Variants in CACNA1E observed in about 807,000 individuals in gnomAD.
CACNA1E encodes voltage-dependent R-type calcium channel subunit alpha-1E.
A neutral mutation model predicts 259.2 loss-of-function variants in CACNA1E; 40 were observed. That is an observed-to-expected ratio of 0.15 (90% CI 0.12 to 0.20). The LOEUF (loss-of-function observed/expected upper bound fraction) is 0.20, where lower values mean the gene tolerates loss of function less well. Among genes scored for constraint, CACNA1E ranks in the 10% least tolerant of loss-of-function variants. The pLI is 1.00. For missense variants in CACNA1E, 1,874 were observed against 3,040.1 expected (o/e 0.62, Z 9.02); for synonymous variants, 1,104 against 1,138.5 (o/e 0.97, Z 0.61).
chr1:181,716,660 A>G (rs1653928642), intron 10 of CACNA1E, among the ~76,000 whole-genome samples: 1 of 152,246 alleles, frequency 6.6e-6, no homozygotes, highest in South Asian at 2.1e-4. Context: ...TCCTCCCCAG[A>G]AAAAGGGAAA....
intron 7 of CACNA1E, among the ~76,000 whole-genome samples, chr1:181,665,450 G>A (rs919053284): frequency 6.6e-6 from 1 of 152,080 alleles, no homozygotes; most frequent in Admixed American, 6.6e-5. Flanking sequence ...TTTAGAGGAG[G>A]AGATAACTTC....
intron 21 of CACNA1E, among the ~76,000 whole-genome samples, chr1:181,735,062 C>T (rs1655909762): frequency 1.3e-5 from 2 of 152,178 alleles, no homozygotes; most frequent in African/African-American, 4.8e-5. Context: ...CTTTTCCCTC[C>T]CTGTTTTTCT....
Position 181,796,685 on chromosome 1 carries a change from C to T in CACNA1E, c.6226C>T (p.His2076Tyr). The change falls in exon 47 of 48, where the codon CAC becomes TAC. Residue 2076 changes from histidine to tyrosine, a missense_variant. By Grantham distance (83) the His-to-Tyr change is moderately conservative. Coordinates refer to ENST00000367573, the MANE Select transcript of CACNA1E (RefSeq NM_001205293.3). ...TCTCACAGGCCACAAGTCTGACACT[C>T]ACCGCTCAGGGGGCAGGGAGCGGGG... ...NSDSGHKSDT[H>Y]RSGGRERGRS... 1.9e-6 allele frequency: 3 copies of T among 1,601,654 alleles called. No homozygotes were observed. Among genetic ancestry groups the T allele is most frequent in the Non-Finnish European group, 2.6e-6 (3 of 1,171,624 alleles).
intron 6 of CACNA1E, among the ~76,000 whole-genome samples, chr1:181,590,816 G>A (rs905327788): frequency 1.5e-5 from 2 of 134,886 alleles, no homozygotes; most frequent in African/African-American, 5.4e-5. Context: ...CCTTCACTCC[G>A]AACCCAGGAC....
intron 27 of CACNA1E, among the ~76,000 whole-genome samples, chr1:181,754,568 G>A (rs1657918775): frequency 6.6e-6 from 1 of 152,166 alleles, no homozygotes; most frequent in African/African-American, 2.4e-5. Context: ...TAAGTCCCTA[G>A]TTCTATCTAC....
intron 6 of CACNA1E, among the ~76,000 whole-genome samples, chr1:181,608,151 G>T (rs1218220722): frequency 6.6e-6 from 1 of 152,166 alleles, no homozygotes; most frequent in East Asian, 1.9e-4. Context: ...TAGGGAGCTG[G>T]GTGATGCAGT....
intron 2 of CACNA1E, among the ~76,000 whole-genome samples, chr1:181,429,360 C>T (rs1038441969): frequency 6.6e-6 from 1 of 152,168 alleles, no homozygotes; most frequent in African/African-American, 2.4e-5. Context: ...AGGACTTGCT[C>T]CCCAAGGGTG....
upstream of CACNA1E, among the ~76,000 whole-genome samples, chr1:181,480,960 A>G (rs956792174): frequency 6.6e-6 from 1 of 152,236 alleles, no homozygotes; most frequent in African/African-American, 2.4e-5. Context: ...ACTGTCTGAA[A>G]GGAGCGACAT....
chr1:181,375,629 TA>T (rs1347228307), intron 1 of CACNA1E, among the ~76,000 whole-genome samples: 1 of 152,240 alleles, frequency 6.6e-6, no homozygotes, highest in Non-Finnish European at 1.5e-5. Flanking sequence ...CAGGTAGTAC[TA>T]TTATAGTCCC....
chr1:181,388,892 CA>C (rs1482232558), intron 1 of CACNA1E, among the ~76,000 whole-genome samples: 21 of 139,672 alleles, frequency 1.5e-4, no homozygotes, highest in East Asian at 4.1e-4. Context: ...ACTCCATCTC[CA>C]AAAAAAAAAA....
intron 7 of CACNA1E, among the ~76,000 whole-genome samples, chr1:181,655,827 A>G (rs932329507): frequency 6.6e-6 from 1 of 152,194 alleles, no homozygotes; most frequent in Admixed American, 6.5e-5. Context: ...AATGTGTGTT[A>G]TTATTTTCAA....
chr1:181,793,691 C>T lies in CACNA1E; in HGVS notation c.5925C>T (p.Ser1975=), dbSNP rs370795238. Residue 1975 remains serine (S), a synonymous_variant, in exon 45 of 48, where the codon AGC becomes AGT. Coordinates refer to ENST00000367573, the MANE Select transcript of CACNA1E (RefSeq NM_001205293.3). The part of the protein sequence containing the change: ...SLEPEVSELK[S]VQPSNHGIYL... ...AGCCAGAGGTTAGTGAATTAAAAAG[C>T]GTGCAGCCCTCTAACCATGGCATCT... 76 of 1,610,252 alleles carry T rather than the reference C, an allele frequency of 4.7e-5. 2 individuals are homozygous for T. Among genetic ancestry groups the T allele is most frequent in the African/African-American group, 4.0e-4 (30 of 74,882 alleles).
chr1:181,533,864 T>C (rs1323834860), intron 3 of CACNA1E, among the ~76,000 whole-genome samples: 1 of 152,118 alleles, frequency 6.6e-6, no homozygotes, highest in African/African-American at 2.4e-5. Context: ...TAATAGAATG[T>C]TGCTAATGTA....
chr1:181,539,595 T>C (rs564049534), intron 3 of CACNA1E, among the ~76,000 whole-genome samples: 11 of 152,322 alleles, frequency 7.2e-5, no homozygotes, highest in South Asian at 2.1e-4. Flanking sequence ...TTACCACTAC[T>C]AATGCTCTGT....
chr1:181,555,824 G>C (rs760937146), intron 3 of CACNA1E, among the ~76,000 whole-genome samples: 4 of 152,180 alleles, frequency 2.6e-5, no homozygotes, highest in Non-Finnish European at 5.9e-5. Flanking sequence ...TAAGTGAAGG[G>C]AGAATTCTTT....
intron 1 of CACNA1E, among the ~76,000 whole-genome samples, chr1:181,323,770 C>T (rs1278177233): frequency 7.2e-5 from 11 of 152,180 alleles, no homozygotes; most frequent in Non-Finnish European, 1.3e-4. Flanking sequence ...AAAGTTCCAC[C>T]CTTTCCTTAG....
At chr1:181,601,571 C>A (rs1251417342) in intron 6 of CACNA1E, among the ~76,000 whole-genome samples, 4 of 152,238 alleles carry the variant, frequency 2.6e-5, no homozygotes, top group South Asian at 4.1e-4. Context: ...TTGTCTTACA[C>A]CCCACATTTA....
chr1:181,496,777 A>G (rs1344787789), intron 1 of CACNA1E, among the ~76,000 whole-genome samples: 6 of 152,220 alleles, frequency 3.9e-5, no homozygotes, highest in Non-Finnish European at 5.9e-5. Flanking sequence ...AGAGCACTCA[A>G]AAGAAATTAA....
intron 1 of CACNA1E, among the ~76,000 whole-genome samples, chr1:181,365,807 G>C (rs1027497307): frequency 2.0e-5 from 3 of 152,250 alleles, no homozygotes; most frequent in Non-Finnish European, 4.4e-5. Flanking sequence ...CCTAGGCACA[G>C]TTGGTAGTCT....
Sources: gnomAD v4.1 joint callset for allele counts (sites outside exome capture counted in the v4.1 genomes callset) on GRCh38, gnomAD v4.1.1 for gene constraint, MANE v1.5 for transcripts, NCBI Gene and HGNC (gene_info 2026-07-23, HGNC 2026-07-21) for gene names.